The following TTC7A variants were observed in gnomAD, a reference collection of about 807,000 sequenced individuals.
TTC7A encodes the protein tetratricopeptide repeat protein 7A.
A neutral mutation model predicts 103.7 loss-of-function variants in TTC7A; 110 were observed. The observed-to-expected ratio is 1.06, with a 90% CI of 0.91 to 1.24. The LOEUF is 1.24. Ranked by LOEUF, TTC7A falls within the 50% of genes most tolerant of loss-of-function variation. The pLI, the probability that TTC7A is intolerant of heterozygous loss-of-function variation, is 0.00. For missense variants in TTC7A, 1,340 were observed against 1,116.3 expected, an observed-to-expected ratio of 1.20 and a Z score of -2.86; for synonymous variants, 521 against 467.9, an observed-to-expected ratio of 1.11 and a Z score of -1.47.
intron 16 of TTC7A, 103 bp from the exon 17 acceptor site, chr2:47,049,846 C>G (rs1682692150): frequency 8.3e-6 from 7 of 844,932 alleles, no homozygotes; most frequent in Non-Finnish European, 1.2e-5. Flanking sequence ...TGAGGCTGTC[C>G]CATTCTCCCT....
chr2:46,970,139 G>A (rs1253053262), intron 3 of TTC7A, among the ~76,000 whole-genome samples: 1 of 152,106 alleles, frequency 6.6e-6, no homozygotes, highest in African/African-American at 2.4e-5. Context: ...ACAAGTGTGC[G>A]CCACCAAGCC....
intron 15 of TTC7A, among the ~76,000 whole-genome samples, chr2:47,041,763 A>C (rs1681775889): frequency 6.6e-6 from 1 of 151,996 alleles, no homozygotes; most frequent in Non-Finnish European, 1.5e-5. Context: ...CAAAAAAAAA[A>C]AAAAAGCTTG....
At chr2:46,996,612 C>G (rs1177015273) in intron 8 of TTC7A, among the ~76,000 whole-genome samples, 2 of 152,276 alleles carry the variant, frequency 1.3e-5, no homozygotes, top group East Asian at 3.9e-4. Flanking sequence ...CTGAGAGTTT[C>G]TGTGTAGGGT....
At chr2:47,036,850 CTT>C (rs1558610511) in intron 15 of TTC7A, among the ~76,000 whole-genome samples, 1 of 152,200 alleles carries the variant, frequency 6.6e-6, no homozygotes. Context: ...AGAACTGTCT[CTT>C]TAAAAAAGTC....
At position 47,006,348 on chromosome 2, in the gene TTC7A, T is replaced by C. The variant is rs561930563; in HGVS notation, c.1203+289T>C. Among the ~76,000 whole-genome samples, 163 of 152,364 alleles carry C rather than the reference T, an allele frequency of 1.1e-3. 1 individual carries two copies. The highest frequency in any genetic ancestry group is 3.7e-3 in the African/African-American group (154 of 41,574). On this transcript the variant is annotated intron_variant, in intron 9 of 19. Coordinates refer to ENST00000319190, the MANE Select transcript of TTC7A (RefSeq NM_020458.4). ...CTATTTTTATTACATGTCTACGTTT[T>C]GAAAGCACTTTCACAAATCTTATTC...
At chr2:47,015,207 G>T (rs944109961) in intron 11 of TTC7A, among the ~76,000 whole-genome samples, 1 of 152,232 alleles carries the variant, frequency 6.6e-6, no homozygotes, top group Non-Finnish European at 1.5e-5. Context: ...TCCTGCCAGG[G>T]TCCCTATTTT....
At chr2:47,071,756 G>A (rs563118101) in intron 19 of TTC7A, among the ~76,000 whole-genome samples, 1 of 152,264 alleles carries the variant, frequency 6.6e-6, no homozygotes, top group South Asian at 2.1e-4. Context: ...ACACACACCA[G>A]CCTGCAGACA....
At chr2:46,962,016 G>A (rs1269328292) in intron 3 of TTC7A, among the ~76,000 whole-genome samples, 1 of 152,194 alleles carries the variant, frequency 6.6e-6, no homozygotes, top group Non-Finnish European at 1.5e-5. Context: ...TTGACTCCAT[G>A]TGCTCATGGC....
chr2:46,922,892 C>A (rs554450208), intron 2 of TTC7A, among the ~76,000 whole-genome samples: 1 of 152,320 alleles, frequency 6.6e-6, no homozygotes, highest in African/African-American at 2.4e-5. Flanking sequence ...ACAGCCCTCT[C>A]TTTCCCACCA....
intron 8 of TTC7A, among the ~76,000 whole-genome samples, chr2:47,002,925 C>G (rs555251963): frequency 4.6e-5 from 7 of 152,160 alleles, no homozygotes; most frequent in Non-Finnish European, 1.0e-4. Flanking sequence ...CTAGGACCCC[C>G]AGGGAGCCTT....
chr2:46,956,234 T>G (rs1310307479), intron 2 of TTC7A, among the ~76,000 whole-genome samples: 1 of 152,214 alleles, frequency 6.6e-6, no homozygotes, highest in Non-Finnish European at 1.5e-5. Context: ...ACTCTTGGCC[T>G]CCGTGATTCT....
intron 2 of TTC7A, among the ~76,000 whole-genome samples, chr2:46,933,198 A>G (rs1164508064): frequency 6.6e-6 from 1 of 152,220 alleles, no homozygotes; most frequent in Non-Finnish European, 1.5e-5. Context: ...GCCACTAACA[A>G]GAATTAAGAG....
intron 8 of TTC7A, among the ~76,000 whole-genome samples, chr2:46,997,196 C>A (rs1014441479): frequency 8.5e-5 from 13 of 152,208 alleles, no homozygotes; most frequent in Admixed American, 7.2e-4. Flanking sequence ...CCAGGCCAGT[C>A]ATGAACTCTT....
chr2:46,985,112 G>A (rs1674877703), intron 5 of TTC7A, among the ~76,000 whole-genome samples: 1 of 152,156 alleles, frequency 6.6e-6, no homozygotes, highest in South Asian at 2.1e-4. Context: ...TGCAGTGGGT[G>A]GAGGTGTTGA....
At chr2:46,923,062 AGCACAGGT>A (rs1369173224) in intron 2 of TTC7A, among the ~76,000 whole-genome samples, 16 of 152,230 alleles carry the variant, frequency 1.1e-4, no homozygotes, top group African/African-American at 3.6e-4. Flanking sequence ...AAGGGTCCTG[AGCACAGGT>A]GCTTCTGTCC....
chr2:47,072,328 C>T (rs368985785), intron 19 of TTC7A, among the ~76,000 whole-genome samples: 2 of 152,210 alleles, frequency 1.3e-5, no homozygotes, highest in African/African-American at 4.8e-5. Context: ...GACAGAGGCG[C>T]TGTGAGGACA....
rs34183870 is a variant in TTC7A, at chr2:46,932,900, C to CAAAAAA, written c.82+15635_82+15640dup. Among the ~76,000 whole-genome samples the CAAAAAA allele has an allele frequency of 1.8e-3, 124 of 69,406 alleles. 1 individual carries two copies. Among genetic ancestry groups the CAAAAAA allele is most frequent in the African/African-American group, 6.1e-3 (118 of 19,362 alleles). The allele number at this position is 69,406 out of a possible 152,430, so 45.5% of individuals were successfully genotyped here. A position where few individuals can be genotyped will look rare whatever the true frequency, so the allele number is the denominator to read the frequency against. On this transcript the variant is annotated intron_variant, in intron 2 of 20. Transcript: ENST00000409245. Reference sequence around the variant, plus strand: ...TGAGCAACAGAGTGAGACTCCATCTCAAAAAAAAAAAAAAAAACAGATGGA... The same window carrying CAAAAAA: ...TGAGCAACAGAGTGAGACTCCATCTCAAAAAAAAAAAAAAAAAAAAAAACAGATGGA...
At chr2:46,972,738 G>A (rs1041128881) in intron 3 of TTC7A, among the ~76,000 whole-genome samples, 3 of 152,224 alleles carry the variant, frequency 2.0e-5, no homozygotes, top group African/African-American at 7.2e-5. Context: ...GGGAGGAACT[G>A]TTGGGTTCCA....
chr2:46,916,034 C>T (rs765732662), upstream of TTC7A: 2 of 985,322 alleles, frequency 2.0e-6, no homozygotes, highest in African/African-American at 1.7e-5. Context: ...GCTGGACGCC[C>T]TAGGGGCCCG....
Sources: allele counts gnomAD v4.1 joint callset (sites outside exome capture counted in the v4.1 genomes callset), GRCh38; gene constraint gnomAD v4.1.1; transcripts MANE v1.5; gene names NCBI Gene and HGNC (gene_info 2026-07-23, HGNC 2026-07-21).